KCTD16: variants seen among roughly 807,000 people sequenced by gnomAD.
KCTD16 encodes BTB/POZ domain-containing protein KCTD16.
A neutral mutation model predicts 33.2 loss-of-function variants in KCTD16; 13 were observed. That is an observed-to-expected ratio of 0.39 (90% CI 0.25 to 0.62). The LOEUF (loss-of-function observed/expected upper bound fraction) is 0.62, where lower values mean the gene tolerates loss of function less well. KCTD16 is among the 20% of genes least tolerant of loss of function. KCTD16 has a pLI of 0.50. For missense variants in KCTD16, 441 were observed against 525.1 expected (o/e 0.84, Z 1.57); for synonymous variants, 197 against 195.3 (o/e 1.01, Z -0.07).
At chr5:144,455,877 A>G (rs1754049814) in intron 3 of KCTD16, among the ~76,000 whole-genome samples, 2 of 152,230 alleles carry the variant, frequency 1.3e-5, no homozygotes, top group South Asian at 4.1e-4. Flanking sequence ...TGATTCTTCT[A>G]CAATGGCATC....
At chr5:144,197,959 C>A (rs1294935219) in intron 2 of KCTD16, among the ~76,000 whole-genome samples, 3 of 152,172 alleles carry the variant, frequency 2.0e-5, no homozygotes, top group African/African-American at 7.2e-5. Context: ...CTTACTCTTT[C>A]AGGAGTGTTT....
intron 2 of KCTD16, among the ~76,000 whole-genome samples, chr5:144,180,799 A>C (rs1310808118): frequency 2.0e-5 from 3 of 152,194 alleles, no homozygotes; most frequent in Non-Finnish European, 4.4e-5. Context: ...AGAGAGAGAA[A>C]AAAAGCTGTA....
chr5:144,193,593 ATTTG>A (rs1752886187), intron 2 of KCTD16, among the ~76,000 whole-genome samples: 1 of 151,568 alleles, frequency 6.6e-6, no homozygotes, highest in Non-Finnish European at 1.5e-5. Context: ...TTGCTCATTT[ATTTG>A]TTTATTTGTT....
chr5:144,465,037 C>T (rs567514608), intron 3 of KCTD16, among the ~76,000 whole-genome samples: 1 of 152,186 alleles, frequency 6.6e-6, no homozygotes, highest in East Asian at 1.9e-4. Context: ...CCTATTTGCC[C>T]TAGAAGGTAG....
At chr5:144,282,092 G>T (rs1321282205) in intron 3 of KCTD16, among the ~76,000 whole-genome samples, 1 of 152,160 alleles carries the variant, frequency 6.6e-6, no homozygotes, top group East Asian at 1.9e-4. Context: ...GGTGGATAGT[G>T]GCTGGTCACC....
chr5:144,225,552 TTGTGTGTGTGTGTGTGTGTG>T (rs10550980), intron 3 of KCTD16, among the ~76,000 whole-genome samples: 9 of 138,226 alleles, frequency 6.5e-5, no homozygotes, highest in South Asian at 2.4e-4. Flanking sequence ...CAAAAATAAA[TTGTGTGTGTGTGTGTGTGTG>T]TGTGTGTGTG....
At chr5:144,244,045 C>T (rs1390137330) in intron 3 of KCTD16, among the ~76,000 whole-genome samples, 3 of 152,066 alleles carry the variant, frequency 2.0e-5, no homozygotes, top group Non-Finnish European at 4.4e-5. Flanking sequence ...GTCCAGCCCC[C>T]CATGAATACT....
At chr5:144,189,211 GA>G (rs1752788710) in intron 2 of KCTD16, among the ~76,000 whole-genome samples, 1 of 152,176 alleles carries the variant, frequency 6.6e-6, no homozygotes, top group Admixed American at 6.5e-5. Context: ...GGGATCTCTA[GA>G]AAATGCAGAG....
intron 3 of KCTD16, among the ~76,000 whole-genome samples, chr5:144,403,337 A>C (rs1455713347): frequency 6.6e-6 from 1 of 152,190 alleles, no homozygotes; most frequent in Non-Finnish European, 1.5e-5. Context: ...GAATGGGCCT[A>C]ATCCAATGCA....
intron 3 of KCTD16, among the ~76,000 whole-genome samples, chr5:144,304,006 A>T (rs1751517488): frequency 6.6e-6 from 1 of 152,150 alleles, no homozygotes; most frequent in East Asian, 1.9e-4. Flanking sequence ...CATAATTGCC[A>T]TTTTACCACT....
chr5:144,306,455 C>G (rs1288981113), intron 3 of KCTD16, among the ~76,000 whole-genome samples: 1 of 152,244 alleles, frequency 6.6e-6, no homozygotes, highest in African/African-American at 2.4e-5. Context: ...CTTTCTGCTT[C>G]CCTGCCTTTG....
intron 3 of KCTD16, among the ~76,000 whole-genome samples, chr5:144,343,889 T>C (rs993221955): frequency 3.9e-5 from 6 of 152,162 alleles, no homozygotes; most frequent in Non-Finnish European, 5.9e-5. Context: ...TAAAGCGGTT[T>C]TGAGTGAGTT....
chr5:144,388,082 T>G lies in KCTD16; in HGVS notation c.833-85578T>G, dbSNP rs1455325056. 1.4e-4 allele frequency among the ~76,000 whole-genome samples: 18 copies of G among 131,168 alleles called. No individual in the cohort carries two copies. The South Asian group carries it at 4.8e-3, about 35-fold the overall frequency. The allele number at this position is 131,168 out of a possible 152,430, so 86.1% of individuals were successfully genotyped here. ...TAGAGCAAGTTTTTTTTTTTTTTTT[T>G]TTTTTTTTTTTTTGAGATGGAGTCT... On this transcript the variant is annotated intron_variant, in intron 3 of 3. Transcript: ENST00000512467.
intron 3 of KCTD16, among the ~76,000 whole-genome samples, chr5:144,282,364 ATT>A (rs146636203): frequency 1.3e-5 from 2 of 149,246 alleles, no homozygotes; most frequent in African/African-American, 4.9e-5. Flanking sequence ...TGCCTTATCC[ATT>A]TTTTTTTTAA....
At chr5:144,364,014 ATAGT>A (rs1258024004) in intron 3 of KCTD16, among the ~76,000 whole-genome samples, 1 of 152,102 alleles carries the variant, frequency 6.6e-6, no homozygotes, top group Admixed American at 6.5e-5. Context: ...ATTTAGTTCT[ATAGT>A]TAAAGGGACT....
In KCTD16 at chr5:144,475,772, A is replaced by T. The variant is rs1754580897; in HGVS notation, c.*1658A>T. ...TTCTTCCTTTTGAAATCTTTCATTGATGCACATTTATTATGTAAGATGTTC... is the reference window on the plus strand; with the variant it reads ...TTCTTCCTTTTGAAATCTTTCATTGTTGCACATTTATTATGTAAGATGTTC... On this transcript the variant is annotated 3_prime_UTR_variant, in exon 4 of 4. Transcript: ENST00000512467. 1 of 152,640 alleles carries T rather than the reference A, an allele frequency of 6.6e-6. No individual in the cohort carries two copies. The highest frequency in any genetic ancestry group is 2.1e-4 in the South Asian group (1 of 4,832). The allele number at this position is 152,640 out of a possible 1,614,324, so 9.5% of individuals were successfully genotyped here. A position where few individuals can be genotyped will look rare whatever the true frequency, so the allele number is the denominator to read the frequency against.
At chr5:144,227,006 A>C (rs1165816233) in intron 3 of KCTD16, among the ~76,000 whole-genome samples, 1 of 152,254 alleles carries the variant, frequency 6.6e-6, no homozygotes, top group Non-Finnish European at 1.5e-5. Flanking sequence ...TATGCCAAAC[A>C]GTGTTCTAGG....
At chr5:144,429,128 C>T (rs766007017) in intron 3 of KCTD16, among the ~76,000 whole-genome samples, 8 of 151,992 alleles carry the variant, frequency 5.3e-5, no homozygotes, top group Non-Finnish European at 4.4e-5. Context: ...TCTAAGGAAA[C>T]GGTGATGAGA....
chr5:144,429,948 G>A (rs1483346870), intron 3 of KCTD16, among the ~76,000 whole-genome samples: 1 of 152,030 alleles, frequency 6.6e-6, no homozygotes, highest in East Asian at 1.9e-4. Context: ...AAAGGGAAAA[G>A]AAGAAAATGG....
Sources: gnomAD v4.1 joint callset for allele counts (sites outside exome capture counted in the v4.1 genomes callset) on GRCh38, gnomAD v4.1.1 for gene constraint, MANE v1.5 for transcripts, NCBI Gene and HGNC (gene_info 2026-07-23, HGNC 2026-07-21) for gene names.